Variants in PTPRN2 observed in about 807,000 individuals in gnomAD.
PTPRN2 encodes the protein receptor-type tyrosine-protein phosphatase N2.
In PTPRN2, 74 loss-of-function variants were observed where a neutral mutation model predicts 118.8. That is an observed-to-expected ratio of 0.62 (90% CI 0.52 to 0.76). The LOEUF is 0.76. Ranked by LOEUF, PTPRN2 falls within the 30% of genes least tolerant of loss-of-function variation. PTPRN2 has a pLI of 0.00. For missense variants in PTPRN2, 1,481 were observed against 1,394.4 expected (o/e 1.06, Z -0.99); for synonymous variants, 641 against 608.0 (o/e 1.05, Z -0.80).
intron 3 of PTPRN2, among the ~76,000 whole-genome samples, chr7:158,260,663 A>G (rs977814715): frequency 6.6e-6 from 1 of 152,170 alleles, no homozygotes; most frequent in Non-Finnish European, 1.5e-5. Context: ...ACACACCCAC[A>G]CACAAACACA....
chr7:158,102,031 C>G (rs1815267096), intron 10 of PTPRN2, among the ~76,000 whole-genome samples: 1 of 152,136 alleles, frequency 6.6e-6, no homozygotes, highest in Non-Finnish European at 1.5e-5. Context: ...CCTCTCCTGT[C>G]CTGAGGATGA....
intron 2 of PTPRN2, among the ~76,000 whole-genome samples, chr7:158,374,975 G>A (rs1198496388): frequency 6.6e-6 from 1 of 152,188 alleles, no homozygotes; most frequent in Non-Finnish European, 1.5e-5. Context: ...TAAAGGGTGG[G>A]GCTAAAATCC....
Position 158,151,514 on chromosome 7 carries a change from T to TCCCTGCC in PTPRN2, c.911-13000_911-12999insGGCAGGG, listed in dbSNP as rs1563522278. On this transcript the variant is annotated intron_variant, in intron 6 of 22. Transcript: ENST00000389418. ...CCCACACCGCCCGCCTTTCTGCTCC[T>TCCCTGCC]CACCGCACGTCCTACTCCAGGCGAT... 2.7e-4 allele frequency among the ~76,000 whole-genome samples: 40 copies of TCCCTGCC among 146,190 alleles called. 1 individual carries two copies. The highest frequency in any genetic ancestry group is 6.1e-4 in the East Asian group (3 of 4,924).
At chr7:158,340,402 ACCCGCAGACG>A in intron 2 of PTPRN2, among the ~76,000 whole-genome samples, 1 of 64,668 alleles carries the variant, frequency 1.5e-5, no homozygotes, top group African/African-American at 5.2e-5. Flanking sequence ...AAGAGCTGAC[ACCCGCAGACG>A]TCACTCACAC....
intron 6 of PTPRN2, among the ~76,000 whole-genome samples, chr7:158,143,860 A>G (rs1819623923): frequency 6.6e-6 from 1 of 152,158 alleles, no homozygotes; most frequent in Admixed American, 6.5e-5. Flanking sequence ...AGCAGGCACC[A>G]CAAGGCCTGG....
rs1398951050 is a variant in PTPRN2 at position 157,644,807 on chromosome 7, A to AAC, written c.2196+11549_2196+11550insGT. Among the ~76,000 whole-genome samples, 751 of 128,730 alleles carry AAC rather than the reference A, an allele frequency of 5.8e-3. 2 individuals are homozygous for AAC. Among genetic ancestry groups the AAC allele is most frequent in the Non-Finnish European group, 9.7e-3 (533 of 55,180 alleles). The allele number at this position is 128,730 out of a possible 152,430, so 84.5% of individuals were successfully genotyped here. A position where few individuals can be genotyped will look rare whatever the true frequency, so the allele number is the denominator to read the frequency against. On this transcript the variant is annotated intron_variant, in intron 14 of 22. Coordinates refer to ENST00000389418, the MANE Select transcript of PTPRN2 (RefSeq NM_002847.5). ...TGAAACTCCATCTCAAAAAACAAAA[A>AAC]AAAAAAAACAAAAAACAAAAGAAAA... is the stretch of plus-strand genomic sequence containing the variant.
intron 2 of PTPRN2, among the ~76,000 whole-genome samples, chr7:158,340,611 ACAC>A (rs1224931332): frequency 1.8e-5 from 2 of 113,196 alleles, no homozygotes; most frequent in African/African-American, 6.4e-5. Flanking sequence ...TCACACCCAC[ACAC>A]GTCACTCACA....
intron 1 of PTPRN2, among the ~76,000 whole-genome samples, chr7:158,493,256 A>C (rs1023572396): frequency 7.9e-5 from 12 of 152,154 alleles, no homozygotes; most frequent in Non-Finnish European, 1.3e-4. Context: ...TGCACCCACA[A>C]GCATGTGCAC....
chr7:158,162,355 G>A (rs1822435413), intron 6 of PTPRN2, among the ~76,000 whole-genome samples: 1 of 152,128 alleles, frequency 6.6e-6, no homozygotes, highest in South Asian at 2.1e-4. Context: ...TTCCTCAGTA[G>A]GCGAATAAAC....
intron 12 of PTPRN2, among the ~76,000 whole-genome samples, chr7:157,896,590 G>A (rs1030343106): frequency 2.3e-4 from 34 of 151,014 alleles, no homozygotes; most frequent in South Asian, 4.2e-4. Flanking sequence ...AAGGAGCTCC[G>A]TTGTGAGTGG....
intron 2 of PTPRN2, among the ~76,000 whole-genome samples, chr7:158,422,960 A>C (rs1815384502): frequency 6.6e-6 from 1 of 152,232 alleles, no homozygotes; most frequent in Non-Finnish European, 1.5e-5. Flanking sequence ...CCAGAGATAA[A>C]GCGAGGAGAG....
chr7:158,527,673 G>A (rs1000933902), intron 1 of PTPRN2, among the ~76,000 whole-genome samples: 7 of 152,166 alleles, frequency 4.6e-5, no homozygotes, highest in Admixed American at 1.3e-4. Context: ...TCCGAGGTGT[G>A]GGCTCCACTC....
intron 3 of PTPRN2, among the ~76,000 whole-genome samples, chr7:158,312,877 A>G (rs1586213013): frequency 6.6e-6 from 1 of 150,408 alleles, no homozygotes; most frequent in African/African-American, 2.5e-5. Flanking sequence ...TCTACACATG[A>G]GCATGTGTGT....
intron 11 of PTPRN2, among the ~76,000 whole-genome samples, chr7:158,078,592 G>C (rs74539380): frequency 0.012 from 1,872 of 152,308 alleles, 26 homozygotes; most frequent in East Asian, 0.066. Flanking sequence ...TCAGTAAGAG[G>C]CTCCTCTTCA....
Position 157,618,936 on chromosome 7 carries a change from C to T in PTPRN2, c.2344+2426G>A, listed in dbSNP as rs920201495. Reference sequence around the variant, plus strand: ...TTCTTTCTGGCTCCAGTGCGAGTCTCGGGAGGGAGGTGCTTTCCCCCTCAC... The same window carrying T: ...TTCTTTCTGGCTCCAGTGCGAGTCTTGGGAGGGAGGTGCTTTCCCCCTCAC... On this transcript the variant is annotated intron_variant, in intron 15 of 22. Coordinates refer to ENST00000389418, the MANE Select transcript of PTPRN2 (RefSeq NM_002847.5). The surrounding 1 kb of genome is among the most constrained non-coding windows in gnomAD (Gnocchi z 4.2). Among the ~76,000 whole-genome samples, 1 of 152,038 alleles carries T rather than the reference C, an allele frequency of 6.6e-6. No individual in the cohort carries two copies. Among genetic ancestry groups the T allele is most frequent in the Non-Finnish European group, 1.5e-5 (1 of 67,978 alleles).
Position 157,558,165 on chromosome 7 carries a change from C to T in PTPRN2, c.2903-9146G>A, listed in dbSNP as rs369031875. Among the ~76,000 whole-genome samples the T allele has an allele frequency of 1.6e-4, 24 of 151,928 alleles. 1 individual carries two copies. The South Asian group carries it at 4.4e-3, about 28-fold the overall frequency. On this transcript the variant is annotated intron_variant, in intron 21 of 22. Transcript: ENST00000389418. ...TCCTATCTGTGTGTGAACACGTGCA[C>T]ATTGGTGCGACGCGGTGCCCACCGC...
intron 5 of PTPRN2, among the ~76,000 whole-genome samples, chr7:158,181,557 T>C (rs1377238757): frequency 6.6e-6 from 1 of 152,192 alleles, no homozygotes; most frequent in Non-Finnish European, 1.5e-5. Context: ...TGTGAATCCA[T>C]CTGGTCCTGG....
intron 12 of PTPRN2, among the ~76,000 whole-genome samples, chr7:157,844,823 T>C (rs1391281353): frequency 1.3e-5 from 2 of 152,196 alleles, no homozygotes; most frequent in Admixed American, 6.5e-5. Context: ...TAGCAGTATG[T>C]TAGCATCTGT....
At chr7:157,727,241 G>T (rs541644712) in intron 12 of PTPRN2, among the ~76,000 whole-genome samples, 1 of 152,182 alleles carries the variant, frequency 6.6e-6, no homozygotes, top group East Asian at 1.9e-4. Context: ...ATCTGTGGAC[G>T]GATGGACAGA....
Sources: gnomAD v4.1 joint callset for allele counts (sites outside exome capture counted in the v4.1 genomes callset) on GRCh38, gnomAD v4.1.1 for gene constraint, Gnocchi (gnomAD v3.1) non-coding constraint, MANE v1.5 for transcripts, NCBI Gene and HGNC (gene_info 2026-07-23, HGNC 2026-07-21) for gene names.